The following LRRIQ4 variants were observed in gnomAD, a reference collection of about 807,000 sequenced individuals.
The protein encoded by LRRIQ4 is leucine-rich repeat and IQ domain-containing protein 4.
A neutral mutation model predicts 40.1 loss-of-function variants in LRRIQ4; 21 were observed. The ratio of observed to expected loss-of-function variants is 0.52; its 90% CI spans 0.37 to 0.75. The LOEUF (loss-of-function observed/expected upper bound fraction) is 0.75, where lower values mean the gene tolerates loss of function less well. Among genes scored for constraint, LRRIQ4 ranks in the 30% least tolerant of loss-of-function variants. The probability of loss-of-function intolerance (pLI) is 0.00; values close to 1 mark genes in which losing one functional copy is unlikely to be tolerated. For synonymous variants in LRRIQ4, 277 were observed against 277.1 expected, an observed-to-expected ratio of 1.00 and a Z score of 0.00; for missense variants, 655 against 660.0, an observed-to-expected ratio of 0.99 and a Z score of 0.08.
At position 169,828,535 on chromosome 3, in the gene LRRIQ4, C is replaced by CA. The variant is rs34890890; in HGVS notation, c.1021-218dup. ...AGGCATAAACCACCGCGCCCAGCCA[C>CA]AAAAAATTGCTCCAGTTTAAAGTGG... On this transcript the variant is annotated intron_variant, in intron 2 of 5. Transcript: ENST00000340806. 3.3e-5 allele frequency among the ~76,000 whole-genome samples: 5 copies of CA among 152,230 alleles called. No individual in the cohort carries two copies. In the East Asian group the frequency reaches 5.8e-4, roughly 18 times the overall value.
Position 169,837,468 on chromosome 3 carries a change from C to T in LRRIQ4, c.1531-11C>T. 7 of 1,598,358 alleles carry T rather than the reference C, an allele frequency of 4.4e-6. No homozygotes were observed. The highest frequency in any genetic ancestry group is 6.0e-6 in the Non-Finnish European group (7 of 1,175,532). ...CAGCCGATGCTGAATTTGGGTTTATCTTGTTTTCAGATTCAGGCATGGTGG... is the reference window on the plus strand; with the variant it reads ...CAGCCGATGCTGAATTTGGGTTTATTTTGTTTTCAGATTCAGGCATGGTGG... On this transcript the variant is annotated splice_polypyrimidine_tract_variant and intron_variant, in intron 5 of 5. Transcript: ENST00000340806.
intron 2 of LRRIQ4, among the ~76,000 whole-genome samples, chr3:169,826,356 C>A (rs1780040178): frequency 6.6e-6 from 1 of 150,886 alleles, no homozygotes; most frequent in African/African-American, 2.4e-5. Context: ...TGTACCATTG[C>A]CGTCCAGCCG....
chr3:169,830,765 G>T, intron 4 of LRRIQ4, 135 bp downstream of exon 4: 1 of 1,097,698 alleles, frequency 9.1e-7, no homozygotes, highest in Non-Finnish European at 1.3e-6. Flanking sequence ...TTCCTTGCAG[G>T]GCTCACTTAG....
rs746826132 is a variant in LRRIQ4 at position 169,822,635 on chromosome 3, G to A, written c.714G>A (p.Val238=). The A allele has an allele frequency of 4.3e-6, 7 of 1,613,774 alleles. No individual in the cohort carries two copies. The highest frequency in any genetic ancestry group is 4.0e-5 in the African/African-American group (3 of 74,940). Reference sequence around the variant, plus strand: ...TGTGCCAGTGTAGCCAACTGTCGGTGCTCGATTTATCCCACAACCTCCTCC... The same window carrying A: ...TGTGCCAGTGTAGCCAACTGTCGGTACTCGATTTATCCCACAACCTCCTCC... ...ASLCQCSQLS[V]LDLSHNLLHS... is the part of the protein sequence containing the mutation. Residue 238 remains valine, a synonymous_variant, in exon 2 of 6, where the codon GTG becomes GTA. Coordinates refer to ENST00000340806, the MANE Select transcript of LRRIQ4 (RefSeq NM_001080460.3).
At chr3:169,834,769 A>G (rs1030927506) in intron 5 of LRRIQ4, among the ~76,000 whole-genome samples, 1 of 152,156 alleles carries the variant, frequency 6.6e-6, no homozygotes, top group African/African-American at 2.4e-5. Flanking sequence ...GGTTTTATGT[A>G]TACACATATA....
At chr3:169,829,549 G>T (rs1311154524) in intron 3 of LRRIQ4, among the ~76,000 whole-genome samples, 1 of 140,348 alleles carries the variant, frequency 7.1e-6, no homozygotes, top group Non-Finnish European at 1.5e-5. Context: ...TTTCGCTCTT[G>T]TTGCCCAGGC....
intron 5 of LRRIQ4, among the ~76,000 whole-genome samples, chr3:169,835,932 A>G (rs1780293751): frequency 6.6e-6 from 1 of 152,102 alleles, no homozygotes; most frequent in Non-Finnish European, 1.5e-5. Flanking sequence ...ACATTCTCTT[A>G]TCAGAGAGCC....
At position 169,837,525 on chromosome 3, in the gene LRRIQ4, A is replaced by G; in HGVS notation, c.1577A>G (p.Lys526Arg). 6.2e-7 allele frequency: 1 copy of G among 1,609,578 alleles called. No homozygotes were observed. Among genetic ancestry groups the G allele is most frequent in the Non-Finnish European group, 8.5e-7 (1 of 1,178,284 alleles). The change falls in exon 6 of 6, where the codon AAA (lysine) becomes AGA (arginine). Residue 526 changes from lysine (K) to arginine (R), a missense_variant. By Grantham distance (26) the Lys-to-Arg change is conservative. Coordinates refer to ENST00000340806, the MANE Select transcript of LRRIQ4 (RefSeq NM_001080460.3). ...RGTMVQRGFG[K>R]FGELLKPQKK... The stretch of plus-strand genomic sequence containing the variant: ...ACAATGGTACAGAGAGGATTTGGGA[A>G]ATTCGGTGAACTACTAAAACCACAA...
chr3:169,826,750 G>A (rs761867303), intron 2 of LRRIQ4, among the ~76,000 whole-genome samples: 29 of 152,170 alleles, frequency 1.9e-4, no homozygotes, highest in Non-Finnish European at 3.5e-4. Context: ...CAGGCATTTT[G>A]TATTGAAGAC....
chr3:169,815,881 A>G (rs2108262284), intron 1 of LRRIQ4, among the ~76,000 whole-genome samples: 1 of 152,360 alleles, frequency 6.6e-6, no homozygotes, highest in East Asian at 1.9e-4. Flanking sequence ...CTTTTTCAGC[A>G]TCAATTAAAA....
chr3:169,828,430 C>T (rs879806477), intron 2 of LRRIQ4, among the ~76,000 whole-genome samples: 3 of 152,184 alleles, frequency 2.0e-5, no homozygotes, highest in African/African-American at 4.8e-5. Context: ...GACAAGGTTT[C>T]GCCATGTTGG....
chr3:169,819,093 C>T (rs998553312), intron 1 of LRRIQ4, among the ~76,000 whole-genome samples: 3 of 152,104 alleles, frequency 2.0e-5, no homozygotes, highest in Admixed American at 6.5e-5. Flanking sequence ...AAAAATCACC[C>T]GACCATAATA....
At chr3:169,829,059 G>A (rs759234567) in intron 3 of LRRIQ4, 127 bp downstream of exon 3, 43 of 813,320 alleles carry the variant, frequency 5.3e-5, no homozygotes, top group Admixed American at 4.2e-4. Flanking sequence ...TCCAGCTTCA[G>A]ACAAGCAATC....
intron 2 of LRRIQ4, among the ~76,000 whole-genome samples, chr3:169,827,330 G>C (rs898723970): frequency 6.6e-6 from 1 of 151,978 alleles, no homozygotes; most frequent in Admixed American, 6.6e-5. Flanking sequence ...TTTTTTCGCC[G>C]GGTGCGGTGG....
Position 169,828,932 on chromosome 3 carries a change from G to C in LRRIQ4, c.1194G>C (p.Gln398His), listed in dbSNP as rs200561449. Residue 398 changes from glutamine to histidine, a missense_variant and splice_region_variant, in exon 3 of 6, where the codon CAG (glutamine) becomes CAC (histidine). By Grantham distance (24) the Gln-to-His change is conservative (BLOSUM62 0). Transcript: ENST00000340806. ...TGCCAGAACACATTAGGAAACTGCAGGTAAGCCTCCCCAAATGAGCAGGCT... is the reference window on the plus strand; with the variant it reads ...TGCCAGAACACATTAGGAAACTGCACGTAAGCCTCCCCAAATGAGCAGGCT... ...TYVPEHIRKL[Q>H]SLKELYIENN... The C allele has an allele frequency of 8.6e-5, 138 of 1,601,132 alleles. 1 individual carries two copies. The African/African-American group carries it at 1.7e-3, about 20-fold the overall frequency.
intron 1 of LRRIQ4, among the ~76,000 whole-genome samples, chr3:169,814,519 T>C (rs1779720923): frequency 6.6e-6 from 1 of 151,954 alleles, no homozygotes; most frequent in Non-Finnish European, 1.5e-5. Flanking sequence ...AGAGTCTCGC[T>C]CTGTGGTCCA....
Position 169,830,539 on chromosome 3 carries a change from C to G in LRRIQ4, c.1242C>G (p.Pro414=), listed in dbSNP as rs150117286. 2.5e-4 allele frequency: 408 copies of G among 1,612,378 alleles called. 2 individuals are homozygous for G. In the East Asian group the frequency reaches 8.3e-3, roughly 33 times the overall value. ...YIENNHLEYL[P]VSLGSMPNLE... Reference sequence around the variant, plus strand: ...AGAACAATCATCTGGAGTACCTGCCCGTATCCTTGGGGTCAATGCCTAACC... The same window carrying G: ...AGAACAATCATCTGGAGTACCTGCCGGTATCCTTGGGGTCAATGCCTAACC... The change falls in exon 4 of 6, where the codon CCC becomes CCG. Residue 414 remains proline (P), a synonymous_variant. Coordinates refer to ENST00000340806, the MANE Select transcript of LRRIQ4 (RefSeq NM_001080460.3).
At chr3:169,832,631 CAAAAAAA>C (rs3047516) in intron 4 of LRRIQ4, among the ~76,000 whole-genome samples, 4 of 67,368 alleles carry the variant, frequency 5.9e-5, no homozygotes, top group Admixed American at 1.7e-4. Flanking sequence ...GACTCTGTCT[CAAAAAAA>C]AAAAAAAAAA....
chr3:169,813,544 T>C (rs1418558227), intron 1 of LRRIQ4, among the ~76,000 whole-genome samples: 1 of 152,210 alleles, frequency 6.6e-6, no homozygotes, highest in Admixed American at 6.5e-5. Flanking sequence ...CGATTCGCAC[T>C]TCGGCTATAA....
Sources: gnomAD v4.1 joint callset for allele counts (sites outside exome capture counted in the v4.1 genomes callset) on GRCh38, gnomAD v4.1.1 for gene constraint, MANE v1.5 for transcripts, NCBI Gene and HGNC (gene_info 2026-07-23, HGNC 2026-07-21) for gene names.